Variants in SYN2 observed in about 807,000 individuals in gnomAD.
SYN2 encodes the protein synapsin II, also known as synapsin-2.
A neutral mutation model predicts 50.9 loss-of-function variants in SYN2; 19 were observed. The ratio of observed to expected loss-of-function variants is 0.37; its 90% CI spans 0.26 to 0.55. The LOEUF is 0.55. Among genes scored for constraint, SYN2 ranks in the 20% least tolerant of loss-of-function variants. The pLI, the probability that SYN2 is intolerant of heterozygous loss-of-function variation, is 0.81. For missense variants in SYN2, 587 were observed against 576.4 expected (o/e 1.02, Z -0.19); for synonymous variants, 255 against 224.9 (o/e 1.13, Z -1.20).
At chr3:12,153,572 G>A in intron 5 of SYN2, 4 of 1,614,082 alleles carry the variant, frequency 2.5e-6, no homozygotes, top group Non-Finnish European at 3.4e-6. Context: ...CCCGGTACCA[G>A]CTGCAGGTGC....
chr3:12,117,359 A>G (rs571922251), intron 1 of SYN2, among the ~76,000 whole-genome samples: 12 of 152,180 alleles, frequency 7.9e-5, no homozygotes, highest in Non-Finnish European at 1.8e-4. Context: ...TTGAGTGACA[A>G]CTTTCTTAGG....
chr3:12,151,109 A>G, intron 4 of SYN2, 128 bp from the exon 5 acceptor site: 1 of 658,998 alleles, frequency 1.5e-6, no homozygotes, highest in Non-Finnish European at 2.7e-6. Context: ...CACTTCTTTT[A>G]TATCCTCACA....
chr3:12,035,984 C>T (rs1694490957), intron 1 of SYN2, among the ~76,000 whole-genome samples: 1 of 152,186 alleles, frequency 6.6e-6, no homozygotes, highest in African/African-American at 2.4e-5. Flanking sequence ...ATGGCTCTAA[C>T]TTCCTTGCTA....
chr3:12,167,326 G>A lies in SYN2; in HGVS notation c.1055+18G>A. Reference sequence around the variant, plus strand: ...TCAGACAGGTGAGTTGAGAGAAGGAGTCCAGTTTCCAGCCCAGTGAGAGGG... The same window carrying A: ...TCAGACAGGTGAGTTGAGAGAAGGAATCCAGTTTCCAGCCCAGTGAGAGGG... On this transcript the variant is annotated intron_variant, in intron 8 of 12. Coordinates refer to ENST00000621198, the MANE Select transcript of SYN2 (RefSeq NM_133625.6). 1.2e-6 allele frequency: 2 copies of A among 1,606,912 alleles called. No homozygotes were observed. The highest frequency in any genetic ancestry group is 1.7e-6 in the Non-Finnish European group (2 of 1,176,660).
At chr3:12,110,397 T>C (rs998763452) in intron 1 of SYN2, among the ~76,000 whole-genome samples, 1 of 152,156 alleles carries the variant, frequency 6.6e-6, no homozygotes, top group Non-Finnish European at 1.5e-5. Context: ...TTCCGGGCAC[T>C]TGGTGCAAGC....
intron 1 of SYN2, among the ~76,000 whole-genome samples, chr3:12,039,281 ATTGCTAGGTTTGGTTTGCTAACAT>A (rs1559395240): frequency 6.6e-6 from 1 of 152,002 alleles, no homozygotes; most frequent in African/African-American, 2.4e-5. Flanking sequence ...TCCTTTATCT[ATTGCTAGGTTTGGTTTGCTAACAT>A]TTTGCTTGTA....
Position 12,099,626 on chromosome 3 carries a change from C to T in SYN2, c.378-41025C>T, listed in dbSNP as rs571347304. On this transcript the variant is annotated intron_variant, in intron 1 of 12. Coordinates refer to ENST00000621198, the MANE Select transcript of SYN2 (RefSeq NM_133625.6). ...ATTTGAAAATTAATAACCTAACTCT[C>T]CATCTTAAAAAAAAATAAGAGAAAA... Among the ~76,000 whole-genome samples, 3 of 151,930 alleles carry T rather than the reference C, an allele frequency of 2.0e-5. No homozygotes were observed. In the South Asian group the frequency reaches 6.2e-4, roughly 32 times the overall value.
At chr3:12,143,750 T>C (rs760502282) in intron 3 of SYN2, among the ~76,000 whole-genome samples, 11 of 152,226 alleles carry the variant, frequency 7.2e-5, no homozygotes, top group African/African-American at 1.2e-4. Context: ...AATAAACATA[T>C]GAGTACGGGT....
rs539443606 is a variant in SYN2, at chr3:12,169,792, T to A, written c.1194T>A (p.His398Gln). The A allele has an allele frequency of 6.2e-7, 1 of 1,613,808 alleles. No individual in the cohort carries two copies. Among genetic ancestry groups the A allele is most frequent in the Admixed American group, 1.7e-5 (1 of 59,990 alleles). The change falls in exon 10 of 13, where the codon CAT becomes CAA. Residue 398 changes from histidine to glutamine, a missense_variant. Coordinates refer to ENST00000621198, the MANE Select transcript of SYN2 (RefSeq NM_133625.6). Reference sequence around the variant, plus strand: ...GTAGCATGCCACTGATTGGGGAACATCAGGTGGAGGACAGGCAACTCATCA... The same window carrying A: ...GTAGCATGCCACTGATTGGGGAACAACAGGTGGAGGACAGGCAACTCATCA... ...MDCSMPLIGE[H>Q]QVEDRQLITE... is the part of the protein sequence containing the mutation.
intron 1 of SYN2, among the ~76,000 whole-genome samples, chr3:12,027,127 T>C (rs903868485): frequency 6.6e-6 from 1 of 152,232 alleles, no homozygotes; most frequent in African/African-American, 2.4e-5. Flanking sequence ...CAGAGGTGAA[T>C]GTGGCAAGAT....
intron 1 of SYN2, among the ~76,000 whole-genome samples, chr3:12,049,060 C>T (rs1051551019): frequency 6.6e-6 from 1 of 152,170 alleles, no homozygotes; most frequent in African/African-American, 2.4e-5. Flanking sequence ...TGGGAATGTA[C>T]ATGGACCCTT....
At chr3:12,070,875 G>A in intron 1 of SYN2, 1 of 571,462 alleles carries the variant, frequency 1.7e-6, no homozygotes, top group Non-Finnish European at 3.5e-6. Context: ...GTGACATCAA[G>A]GAGAAGCCGT....
chr3:12,021,512 G>C (rs553634542), intron 1 of SYN2, among the ~76,000 whole-genome samples: 1 of 152,308 alleles, frequency 6.6e-6, no homozygotes, highest in East Asian at 1.9e-4. Flanking sequence ...TACTTTGGAG[G>C]CTGAGGTGGG....
chr3:12,137,514 T>G (rs1048449259), intron 1 of SYN2, among the ~76,000 whole-genome samples: 26 of 152,338 alleles, frequency 1.7e-4, no homozygotes, highest in African/African-American at 6.3e-4. Context: ...TAGCACTGTT[T>G]GTAATACCAA....
chr3:12,029,883 T>A (rs1694345001), intron 1 of SYN2, among the ~76,000 whole-genome samples: 1 of 101,172 alleles, frequency 9.9e-6, no homozygotes. Context: ...TTCTCTTGCC[T>A]GATTGCCCTG....
chr3:12,020,651 C>T (rs549551090), intron 1 of SYN2, among the ~76,000 whole-genome samples: 91 of 152,222 alleles, frequency 6.0e-4, no homozygotes, highest in African/African-American at 2.1e-3. Context: ...CTAGATGTAT[C>T]TTAGAAACAG....
At chr3:12,154,392 C>T in intron 5 of SYN2, 1 of 1,614,192 alleles carries the variant, frequency 6.2e-7, no homozygotes, top group Non-Finnish European at 8.5e-7. Context: ...GACAGGTCCT[C>T]CCAGGGCTCG....
At chr3:12,052,933 A>G (rs746760471) in intron 1 of SYN2, among the ~76,000 whole-genome samples, 1 of 152,170 alleles carries the variant, frequency 6.6e-6, no homozygotes, top group Non-Finnish European at 1.5e-5. Flanking sequence ...GCTGGTTCCC[A>G]TATCTCTTCT....
intron 11 of SYN2, chr3:12,184,422 G>C: frequency 3.0e-6 from 3 of 985,908 alleles, no homozygotes; most frequent in Non-Finnish European, 3.6e-6. Context: ...AATGCAGGGA[G>C]CTACTGAAGG....
Sources: gnomAD v4.1 joint callset for allele counts (sites outside exome capture counted in the v4.1 genomes callset) on GRCh38, gnomAD v4.1.1 for gene constraint, MANE v1.5 for transcripts, NCBI Gene and HGNC (gene_info 2026-07-23, HGNC 2026-07-21) for gene names.